Variants in PTPRK observed in about 807,000 individuals in gnomAD.
PTPRK encodes the protein receptor-type tyrosine-protein phosphatase kappa.
A neutral mutation model predicts 178.0 loss-of-function variants in PTPRK; 75 were observed. The ratio of observed to expected loss-of-function variants is 0.42; its 90% CI spans 0.35 to 0.51. The LOEUF (loss-of-function observed/expected upper bound fraction) is 0.51. Among genes scored for constraint, PTPRK ranks in the 20% least tolerant of loss-of-function variants. The pLI, the probability that PTPRK is intolerant of heterozygous loss-of-function variation, is 0.02. For missense variants in PTPRK, 1,441 were observed against 1,797.8 expected (o/e 0.80, Z 3.59); for synonymous variants, 637 against 620.6 (o/e 1.03, Z -0.39).
chr6:128,354,231 G>GT lies in PTPRK; in HGVS notation c.224-31922dup, dbSNP rs756148554. 2.5e-3 allele frequency among the ~76,000 whole-genome samples: 124 copies of GT among 49,342 alleles called. 31 individuals are homozygous for GT. Among genetic ancestry groups the GT allele is most frequent in the African/African-American group, 0.011 (113 of 10,612 alleles). 32.4% of individuals were successfully genotyped at this position (49,342 alleles called of 152,430 possible). On this transcript the variant is annotated intron_variant, in intron 2 of 29. Transcript: ENST00000368226. ...ACATGTATTTTGGTTTTTTGTTTAT[G>GT]TTTTTTTTTTTTTTTTTTTTTTTTG...
chr6:128,459,846 G>T (rs766378716), intron 1 of PTPRK, among the ~76,000 whole-genome samples: 1 of 152,136 alleles, frequency 6.6e-6, no homozygotes, highest in Non-Finnish European at 1.5e-5. Flanking sequence ...ATTGGCTCAG[G>T]ATCCCACAAG....
At chr6:128,160,291 A>G (rs1798523432) in intron 7 of PTPRK, among the ~76,000 whole-genome samples, 1 of 151,754 alleles carries the variant, frequency 6.6e-6, no homozygotes, top group South Asian at 2.1e-4. Flanking sequence ...CTTTTTATAC[A>G]CATACATAAA....
chr6:128,201,710 A>G (rs536250906), intron 6 of PTPRK, among the ~76,000 whole-genome samples: 1 of 151,972 alleles, frequency 6.6e-6, no homozygotes, highest in East Asian at 1.9e-4. Context: ...AAATATATAT[A>G]TTTTACTAAA....
chr6:128,247,110 A>T (rs1815607944), intron 3 of PTPRK, among the ~76,000 whole-genome samples: 1 of 152,174 alleles, frequency 6.6e-6, no homozygotes, highest in Non-Finnish European at 1.5e-5. Context: ...CTGTAGTCTC[A>T]TCTTGACAAT....
At chr6:128,352,269 A>AAAC (rs1219017914) in intron 2 of PTPRK, among the ~76,000 whole-genome samples, 1 of 151,248 alleles carries the variant, frequency 6.6e-6, no homozygotes, top group African/African-American at 2.4e-5. Flanking sequence ...AAAAAAAAAA[A>AAAC]AAGAAATATT....
chr6:128,499,520 T>C (rs1382736437), intron 1 of PTPRK, among the ~76,000 whole-genome samples: 1 of 152,222 alleles, frequency 6.6e-6, no homozygotes, highest in Non-Finnish European at 1.5e-5. Flanking sequence ...AAATTACTCA[T>C]TTACCAAATT....
At chr6:128,048,364 C>G (rs774309555) in intron 13 of PTPRK, among the ~76,000 whole-genome samples, 1 of 152,164 alleles carries the variant, frequency 6.6e-6, no homozygotes, top group Non-Finnish European at 1.5e-5. Context: ...TCTAGCTCAT[C>G]CCCTGGATTT....
intron 7 of PTPRK, among the ~76,000 whole-genome samples, chr6:128,112,785 G>A (rs142966704): frequency 6.6e-6 from 1 of 152,216 alleles, no homozygotes; most frequent in East Asian, 1.9e-4. Flanking sequence ...AGCACATAGA[G>A]TTCAGAGGCC....
At position 128,425,472 on chromosome 6, in the gene PTPRK, C is replaced by T. The variant is rs368078725; in HGVS notation, c.101-27784G>A. 8.5e-5 allele frequency among the ~76,000 whole-genome samples: 13 copies of T among 152,282 alleles called. No homozygotes were observed. The East Asian group carries it at 1.2e-3, about 14-fold the overall frequency. ...TTCTTATGCCTTTGCATCCTAATAGCTTAGCTCCCACATATGAATCAGAAC... is the reference window on the plus strand; with the variant it reads ...TTCTTATGCCTTTGCATCCTAATAGTTTAGCTCCCACATATGAATCAGAAC... On this transcript the variant is annotated intron_variant, in intron 1 of 29. Coordinates refer to ENST00000368226, the MANE Select transcript of PTPRK (RefSeq NM_002844.4).
rs1773701417 is a variant in PTPRK, at chr6:127,969,690, G to A, written c.*537C>T. 1 of 151,994 alleles carries A rather than the reference G, an allele frequency of 6.6e-6. No individual in the cohort carries two copies. The allele number at this position is 151,994 out of a possible 1,614,324, so 9.4% of individuals were successfully genotyped here. ...TTATTTTCTAAAAAGAACTTTAAAT[G>A]ATCCAGCCATCATTGCACATTAAAA... On this transcript the variant is annotated 3_prime_UTR_variant, in exon 30 of 30. Transcript: ENST00000368226.
Position 128,155,713 on chromosome 6 carries a change from C to T in PTPRK, c.1162+28719G>A, listed in dbSNP as rs560324122. On this transcript the variant is annotated intron_variant, in intron 7 of 29. Transcript: ENST00000368226. The stretch of plus-strand genomic sequence containing the variant: ...CCTTTGTTTCAATCTTTTTATTTTA[C>T]CTCAGACTGGCTAGTGGTAGTGATT... Among the ~76,000 whole-genome samples, 3 of 151,788 alleles carry T rather than the reference C, an allele frequency of 2.0e-5. No homozygotes were observed. In the South Asian group the frequency reaches 6.2e-4, roughly 32 times the overall value.
At chr6:128,037,651 C>A (rs1776447505) in intron 13 of PTPRK, among the ~76,000 whole-genome samples, 1 of 152,116 alleles carries the variant, frequency 6.6e-6, no homozygotes, top group Non-Finnish European at 1.5e-5. Flanking sequence ...TGGAGCAAAA[C>A]CCAGTCAGAT....
chr6:128,053,692 G>A (rs951073811), intron 13 of PTPRK, among the ~76,000 whole-genome samples: 1 of 152,134 alleles, frequency 6.6e-6, no homozygotes, highest in African/African-American at 2.4e-5. Flanking sequence ...TCCCCATGAA[G>A]ACAAGCTTCT....
chr6:128,325,869 C>G (rs564195878), intron 2 of PTPRK, among the ~76,000 whole-genome samples: 4 of 152,180 alleles, frequency 2.6e-5, no homozygotes, highest in African/African-American at 7.2e-5. Context: ...CACAGGCACA[C>G]GTATGTTTAC....
chr6:128,185,242 T>C (rs577788169), intron 6 of PTPRK, among the ~76,000 whole-genome samples: 40 of 152,276 alleles, frequency 2.6e-4, no homozygotes, highest in Middle Eastern at 3.4e-3. Flanking sequence ...GTGACAAATT[T>C]AAATTTACAC....
intron 2 of PTPRK, among the ~76,000 whole-genome samples, chr6:128,387,050 A>G (rs1481583678): frequency 1.3e-5 from 2 of 152,214 alleles, no homozygotes; most frequent in East Asian, 3.8e-4. Context: ...CCTGGGTGAC[A>G]CAGCGAGACT....
intron 2 of PTPRK, among the ~76,000 whole-genome samples, chr6:128,336,886 T>A (rs2128328667): frequency 6.6e-6 from 1 of 152,222 alleles, no homozygotes; most frequent in South Asian, 2.1e-4. Context: ...TTGAAGCAAT[T>A]AACTGCATGC....
At chr6:128,323,761 T>C (rs1004493372) in intron 2 of PTPRK, among the ~76,000 whole-genome samples, 2 of 152,156 alleles carry the variant, frequency 1.3e-5, no homozygotes, top group South Asian at 2.1e-4. Context: ...AAACAGATCA[T>C]AGTGATAGTG....
chr6:128,291,446 G>C (rs1371740327), intron 3 of PTPRK, among the ~76,000 whole-genome samples: 1 of 152,102 alleles, frequency 6.6e-6, no homozygotes, highest in Non-Finnish European at 1.5e-5. Flanking sequence ...TTGGCAATTT[G>C]TTATGGGATA....
Sources: gnomAD v4.1 joint callset for allele counts (sites outside exome capture counted in the v4.1 genomes callset) on GRCh38, gnomAD v4.1.1 for gene constraint, MANE v1.5 for transcripts, NCBI Gene and HGNC (gene_info 2026-07-23, HGNC 2026-07-21) for gene names.